Variants in KCNIP4 observed in about 807,000 individuals in gnomAD.
KCNIP4 encodes Kv channel-interacting protein 4.
In KCNIP4, 12 loss-of-function variants were observed where a neutral mutation model predicts 34.0. The observed-to-expected ratio is 0.35, with a 90% CI of 0.23 to 0.57. The LOEUF is 0.57. KCNIP4 is among the 20% of genes least tolerant of loss of function. The pLI is 0.83. For missense variants in KCNIP4, 238 were observed against 311.7 expected (o/e 0.76, Z 1.78); for synonymous variants, 124 against 102.2 (o/e 1.21, Z -1.29).
chr4:21,553,748 T>C (rs982330949), intron 1 of KCNIP4, among the ~76,000 whole-genome samples: 1 of 152,084 alleles, frequency 6.6e-6, no homozygotes, highest in African/African-American at 2.4e-5. Flanking sequence ...GTGTAAATAT[T>C]AGCTATTGTT....
chr4:21,377,593 T>C (rs1239356846), intron 1 of KCNIP4, among the ~76,000 whole-genome samples: 1 of 152,182 alleles, frequency 6.6e-6, no homozygotes, highest in Admixed American at 6.5e-5. Context: ...AAAACTCAAA[T>C]GGTATAGGCA....
chr4:21,698,221 C>T (rs1268752455), intron 1 of KCNIP4, among the ~76,000 whole-genome samples: 1 of 152,146 alleles, frequency 6.6e-6, no homozygotes, highest in African/African-American at 2.4e-5. Flanking sequence ...TTAAAACTGG[C>T]TACATTTTCT....
intron 1 of KCNIP4, among the ~76,000 whole-genome samples, chr4:21,061,488 G>T (rs1408102594): frequency 6.6e-6 from 1 of 152,072 alleles, no homozygotes; most frequent in African/African-American, 2.4e-5. Flanking sequence ...TGAAAGCAAG[G>T]TGGTGAGCCA....
intron 3 of KCNIP4, among the ~76,000 whole-genome samples, chr4:20,786,405 T>C (rs1711995842): frequency 6.6e-6 from 1 of 152,114 alleles, no homozygotes; most frequent in African/African-American, 2.4e-5. Context: ...CACGCAATTA[T>C]ACCCTTGCAA....
chr4:21,523,013 T>C (rs1735671318), intron 1 of KCNIP4, among the ~76,000 whole-genome samples: 1 of 151,570 alleles, frequency 6.6e-6, no homozygotes, highest in Non-Finnish European at 1.5e-5. Flanking sequence ...GGAGCCCCCA[T>C]AAGGGGATAA....
chr4:21,068,922 G>T (rs1744652604), intron 1 of KCNIP4, among the ~76,000 whole-genome samples: 1 of 152,120 alleles, frequency 6.6e-6, no homozygotes, highest in African/African-American at 2.4e-5. Flanking sequence ...TGTATATGAA[G>T]CTATTAAGAT....
At chr4:21,389,173 G>A (rs1722307622) in intron 1 of KCNIP4, among the ~76,000 whole-genome samples, 1 of 151,946 alleles carries the variant, frequency 6.6e-6, no homozygotes, top group South Asian at 2.1e-4. Context: ...AGAGATAGGG[G>A]TTTCACCGTG....
At chr4:21,174,572 T>C (rs1391285567) in intron 1 of KCNIP4, among the ~76,000 whole-genome samples, 1 of 152,204 alleles carries the variant, frequency 6.6e-6, no homozygotes, top group African/African-American at 2.4e-5. Flanking sequence ...ATTGACTCTC[T>C]GGTACTTGAC....
intron 1 of KCNIP4, among the ~76,000 whole-genome samples, chr4:21,702,811 A>G: frequency 6.6e-6 from 1 of 152,134 alleles, no homozygotes; most frequent in East Asian, 1.9e-4. Flanking sequence ...AAAGTAAAGT[A>G]TAGACAAATA....
intron 1 of KCNIP4, among the ~76,000 whole-genome samples, chr4:21,753,775 C>A (rs1717317335): frequency 6.6e-6 from 1 of 152,232 alleles, no homozygotes; most frequent in South Asian, 2.1e-4. Flanking sequence ...AAGCATCATG[C>A]CTTTTGTGAA....
chr4:21,235,034 A>G (rs1424787396), intron 1 of KCNIP4, among the ~76,000 whole-genome samples: 1 of 152,190 alleles, frequency 6.6e-6, no homozygotes, highest in African/African-American at 2.4e-5. Context: ...TATTAAAAAT[A>G]CACATGTAGA....
chr4:20,924,048 T>C (rs1195704606), intron 1 of KCNIP4, among the ~76,000 whole-genome samples: 6 of 152,146 alleles, frequency 3.9e-5, no homozygotes, highest in Non-Finnish European at 5.9e-5. Flanking sequence ...TCATTTTAGA[T>C]TTGAAGTCAT....
chr4:21,444,136 G>A (rs1215074981), intron 1 of KCNIP4, among the ~76,000 whole-genome samples: 1 of 152,042 alleles, frequency 6.6e-6, no homozygotes, highest in Non-Finnish European at 1.5e-5. Context: ...ATAATTAATA[G>A]CTTACCAACC....
intron 1 of KCNIP4, among the ~76,000 whole-genome samples, chr4:21,093,454 G>A (rs1176330562): frequency 1.3e-5 from 2 of 152,124 alleles, no homozygotes; most frequent in Non-Finnish European, 2.9e-5. Flanking sequence ...TTAACACTGT[G>A]CCCCAGGATG....
At chr4:21,058,821 T>C (rs28708786) in intron 1 of KCNIP4, among the ~76,000 whole-genome samples, 3,549 of 152,230 alleles carry the variant, frequency 0.023, 127 homozygotes, top group African/African-American at 0.08. Context: ...TCTTGCCCAA[T>C]GACTGACTGT....
At chr4:20,843,371 C>T (rs1015819719) in intron 3 of KCNIP4, among the ~76,000 whole-genome samples, 1 of 152,214 alleles carries the variant, frequency 6.6e-6, no homozygotes, top group South Asian at 2.1e-4. Context: ...TAGGACACTT[C>T]GATATTTCAA....
intron 1 of KCNIP4, among the ~76,000 whole-genome samples, chr4:21,514,972 A>G (rs139859433): frequency 6.6e-6 from 1 of 152,230 alleles, no homozygotes; most frequent in Non-Finnish European, 1.5e-5. Context: ...TATGAAGTCC[A>G]TTTGATTTAG....
chr4:21,541,034 G>C (rs1188915925), intron 1 of KCNIP4, among the ~76,000 whole-genome samples: 24 of 152,048 alleles, frequency 1.6e-4, no homozygotes, highest in Admixed American at 1.5e-3. Flanking sequence ...TGCCAGGCAT[G>C]GTGGCGCATG....
intron 1 of KCNIP4, among the ~76,000 whole-genome samples, chr4:21,454,516 T>A (rs910349460): frequency 6.6e-6 from 1 of 152,128 alleles, no homozygotes; most frequent in African/African-American, 2.4e-5. Context: ...AAAATGCTTC[T>A]GATATGCTAA....
Sources: allele counts gnomAD v4.1 joint callset (sites outside exome capture counted in the v4.1 genomes callset), GRCh38; gene constraint gnomAD v4.1.1; transcripts MANE v1.5; gene names NCBI Gene and HGNC (gene_info 2026-07-23, HGNC 2026-07-21).